The following RBFOX1 variants were observed in gnomAD, a reference collection of about 807,000 sequenced individuals.
The protein encoded by RBFOX1 is RNA binding fox-1 homolog 1.
RBFOX1 carries 8 observed loss-of-function variants against 57.7 expected under a neutral mutation model. The ratio of observed to expected loss-of-function variants is 0.14; its 90% confidence interval spans 0.08 to 0.25. The LOEUF (loss-of-function observed/expected upper bound fraction) is 0.25, where lower values mean the gene tolerates loss of function less well. RBFOX1 is among the 10% of genes least tolerant of loss of function. RBFOX1 has a pLI of 1.00. For missense variants in RBFOX1, 611 were observed against 548.5 expected, an observed-to-expected ratio of 1.11 and a Z score of -1.14; for synonymous variants, 326 against 222.4, an observed-to-expected ratio of 1.47 and a Z score of -4.15.
At chr16:7,707,769 A>T (rs917355410) in intron 14 of RBFOX1, among the ~76,000 whole-genome samples, 2 of 152,200 alleles carry the variant, frequency 1.3e-5, no homozygotes, top group African/African-American at 4.8e-5. Context: ...CTGCTGTAGC[A>T]TGAAACCCAT....
At chr16:6,418,221 C>A (rs1007861517) in intron 2 of RBFOX1, among the ~76,000 whole-genome samples, 4 of 152,138 alleles carry the variant, frequency 2.6e-5, no homozygotes, top group Non-Finnish European at 5.9e-5. Flanking sequence ...TTGGAGAGAC[C>A]ATATGGCATG....
At position 6,403,885 on chromosome 16, in the gene RBFOX1, T is replaced by C. The variant is rs371656233; in HGVS notation, c.-64+86828T>C. ...CAATGAGATTATAAGGGTGGGGTCC[T>C]GATTCAATAGGACTGGTGGCATTAT... is the stretch of plus-strand genomic sequence containing the variant. On this transcript the variant is annotated intron_variant, in intron 2 of 15. Coordinates refer to ENST00000550418, the MANE Select transcript of RBFOX1 (RefSeq NM_018723.4). Among the ~76,000 whole-genome samples, 22 of 152,240 alleles carry C rather than the reference T, an allele frequency of 1.4e-4. No homozygotes were observed. In the East Asian group the frequency reaches 2.1e-3, roughly 15 times the overall value.
chr16:6,860,704 TG>T (rs2058837903), intron 3 of RBFOX1, among the ~76,000 whole-genome samples: 1 of 152,184 alleles, frequency 6.6e-6, no homozygotes, highest in African/African-American at 2.4e-5. Context: ...TGGTGTGTCA[TG>T]TTAAAATAAA....
At chr16:6,498,102 A>C (rs1178606019) in intron 2 of RBFOX1, among the ~76,000 whole-genome samples, 1 of 151,878 alleles carries the variant, frequency 6.6e-6, no homozygotes, top group Non-Finnish European at 1.5e-5. Context: ...TGTTATAAAA[A>C]ATAGCCGGGC....
chr16:5,862,014 A>G (rs1048000877), intron 3 of RBFOX1, among the ~76,000 whole-genome samples: 1 of 152,188 alleles, frequency 6.6e-6, no homozygotes, highest in African/African-American at 2.4e-5. Context: ...CAGGCCTGAG[A>G]GTGACGGCCA....
chr16:7,659,914 G>A (rs1013034439), intron 12 of RBFOX1, among the ~76,000 whole-genome samples: 2 of 151,986 alleles, frequency 1.3e-5, no homozygotes, highest in African/African-American at 4.8e-5. Context: ...AGGAAAATAC[G>A]TACAAACAGC....
intron 3 of RBFOX1, among the ~76,000 whole-genome samples, chr16:7,012,923 G>C (rs1468834280): frequency 1.3e-5 from 2 of 152,098 alleles, no homozygotes; most frequent in Non-Finnish European, 2.9e-5. Flanking sequence ...AGATGGTCAG[G>C]TCCTGGTGGA....
chr16:7,180,219 G>A (rs912847689), intron 4 of RBFOX1, among the ~76,000 whole-genome samples: 6 of 152,112 alleles, frequency 3.9e-5, no homozygotes, highest in African/African-American at 9.7e-5. Flanking sequence ...AGCATTTACT[G>A]TATTTCAGAT....
intron 3 of RBFOX1, among the ~76,000 whole-genome samples, chr16:6,793,816 G>A (rs1355117392): frequency 2.6e-5 from 4 of 152,012 alleles, no homozygotes; most frequent in Non-Finnish European, 5.9e-5. Context: ...TGTTTCTTTG[G>A]TTAGTAGAAG....
intron 4 of RBFOX1, among the ~76,000 whole-genome samples, chr16:5,960,517 T>C (rs2059726633): frequency 3.9e-5 from 6 of 152,178 alleles, no homozygotes; most frequent in African/African-American, 1.4e-4. Flanking sequence ...CAGATGTAGC[T>C]ATAAATACAT....
At chr16:6,634,696 G>T (rs1224423536) in intron 2 of RBFOX1, among the ~76,000 whole-genome samples, 2 of 136,192 alleles carry the variant, frequency 1.5e-5, no homozygotes, top group Non-Finnish European at 3.1e-5. Flanking sequence ...ATAATACAAA[G>T]ATACATATTT....
At chr16:6,984,371 C>T (rs1313085993) in intron 3 of RBFOX1, among the ~76,000 whole-genome samples, 1 of 152,122 alleles carries the variant, frequency 6.6e-6, no homozygotes, top group Non-Finnish European at 1.5e-5. Flanking sequence ...CATGAAAAAG[C>T]CTACATCCTA....
At chr16:5,264,816 C>T (rs971063353) in intron 1 of RBFOX1, among the ~76,000 whole-genome samples, 21 of 152,054 alleles carry the variant, frequency 1.4e-4, no homozygotes, top group African/African-American at 4.8e-4. Context: ...GGTGATACTC[C>T]AGGTAATGCA....
chr16:6,418,941 C>T (rs1042373691), intron 2 of RBFOX1, among the ~76,000 whole-genome samples: 1 of 152,088 alleles, frequency 6.6e-6, no homozygotes, highest in Non-Finnish European at 1.5e-5. Context: ...TACTGGGGAG[C>T]AGAAGGAAAG....
intron 2 of RBFOX1, among the ~76,000 whole-genome samples, chr16:6,351,892 A>G (rs954856257): frequency 1.3e-5 from 2 of 152,182 alleles, no homozygotes; most frequent in South Asian, 4.1e-4. Flanking sequence ...CAAGATATGC[A>G]TTATTTTCAT....
chr16:7,647,180 C>G (rs538752589), intron 11 of RBFOX1, among the ~76,000 whole-genome samples: 1 of 152,156 alleles, frequency 6.6e-6, no homozygotes, highest in African/African-American at 2.4e-5. Flanking sequence ...CTAACCTCCC[C>G]CAGAATATGC....
At chr16:6,683,828 C>T (rs139749996) in intron 3 of RBFOX1, among the ~76,000 whole-genome samples, 1 of 152,276 alleles carries the variant, frequency 6.6e-6, no homozygotes, top group African/African-American at 2.4e-5. Context: ...GTTGACTCTT[C>T]ATGGGTTTTG....
intron 11 of RBFOX1, among the ~76,000 whole-genome samples, chr16:7,642,710 C>A (rs1038231053): frequency 4.0e-5 from 6 of 151,708 alleles, no homozygotes; most frequent in Non-Finnish European, 7.4e-5. Context: ...CGTGGTTTCC[C>A]GGGAAACAAC....
chr16:7,693,928 G>A (rs181551906), intron 14 of RBFOX1, among the ~76,000 whole-genome samples: 1 of 152,270 alleles, frequency 6.6e-6, no homozygotes, highest in South Asian at 2.1e-4. Context: ...CAAGTAGCAG[G>A]ACTTAGAGAG....
Sources: gnomAD v4.1 joint callset for allele counts (sites outside exome capture counted in the v4.1 genomes callset) on GRCh38, gnomAD v4.1.1 for gene constraint, MANE v1.5 for transcripts, NCBI Gene and HGNC (gene_info 2026-07-23, HGNC 2026-07-21) for gene names.